Variants in GSE1 observed in about 807,000 individuals in gnomAD.
The protein encoded by GSE1 is genetic suppressor element 1.
GSE1 carries 32 observed loss-of-function variants against 112.6 expected under a neutral mutation model. The ratio of observed to expected loss-of-function variants is 0.28; its 90% CI spans 0.21 to 0.38. GSE1 has a LOEUF of 0.38. Among genes scored for constraint, GSE1 ranks in the 10% least tolerant of loss-of-function variants. GSE1 has a pLI of 1.00. For synonymous variants in GSE1, 1,115 were observed against 735.6 expected, an observed-to-expected ratio of 1.52 and a Z score of -8.35; for missense variants, 2,348 against 1,699.2, an observed-to-expected ratio of 1.38 and a Z score of -6.71.
chr16:85,331,705 A>ATT (rs2046375274), intron 1 of GSE1, among the ~76,000 whole-genome samples: 2 of 52,840 alleles, frequency 3.8e-5, no homozygotes, highest in African/African-American at 7.4e-5. Context: ...ATATATATAT[A>ATT]TATTTTTTTT....
intron 1 of GSE1, among the ~76,000 whole-genome samples, chr16:85,266,781 A>C (rs1030417703): frequency 6.6e-6 from 1 of 151,786 alleles, no homozygotes; most frequent in Non-Finnish European, 1.5e-5. Context: ...GCTCTAGTGG[A>C]CTCTTGCAGG....
chr16:85,242,624 A>G (rs1366687776), intron 1 of GSE1, among the ~76,000 whole-genome samples: 1 of 152,134 alleles, frequency 6.6e-6, no homozygotes, highest in East Asian at 1.9e-4. Flanking sequence ...CCCCTGCCCA[A>G]AGCAGGGAGG....
chr16:85,385,465 G>A (rs902851941), intron 2 of GSE1, among the ~76,000 whole-genome samples: 5 of 152,112 alleles, frequency 3.3e-5, no homozygotes, highest in Non-Finnish European at 4.4e-5. Context: ...GGACATACTT[G>A]CCTCCCACCA....
chr16:85,423,730 CTG>C (rs1215350770), intron 2 of GSE1, among the ~76,000 whole-genome samples: 2 of 147,946 alleles, frequency 1.4e-5, no homozygotes, highest in Admixed American at 6.8e-5. Flanking sequence ...ATCCCTCTCT[CTG>C]TCGCCGCATC....
chr16:85,611,835 C>G (rs2048003606), upstream of GSE1, among the ~76,000 whole-genome samples: 1 of 151,678 alleles, frequency 6.6e-6, no homozygotes, highest in Non-Finnish European at 1.5e-5. Flanking sequence ...AGCGCTCGCT[C>G]CCGTCGCAAT....
chr16:85,538,559 C>A (rs2044411848), intron 2 of GSE1, among the ~76,000 whole-genome samples: 1 of 152,176 alleles, frequency 6.6e-6, no homozygotes, highest in East Asian at 1.9e-4. Context: ...GGGAGCTTGA[C>A]AAGGGCCTGG....
At chr16:85,400,249 TTGTGTG>T (rs60393248) in intron 2 of GSE1, among the ~76,000 whole-genome samples, 54,652 of 149,538 alleles carry the variant, frequency 0.37, 10,173 homozygotes, top group East Asian at 0.59. Flanking sequence ...AAGTGTAGGG[TTGTGTG>T]TGTGTGTGTG....
At chr16:85,378,005 C>T (rs886561579) in intron 2 of GSE1, among the ~76,000 whole-genome samples, 15 of 152,230 alleles carry the variant, frequency 9.9e-5, no homozygotes, top group African/African-American at 3.4e-4. Context: ...CCGTCATCTG[C>T]ACCCCGGGCT....
At chr16:85,613,095 TCGGTGCGCGCGCGCGC>T (rs745943357), upstream of GSE1, 16 of 765,656 alleles carry the variant, frequency 2.1e-5, no homozygotes, top group Non-Finnish European at 2.7e-5. Context: ...CGGGCGCCCG[TCGGTGCGCGCGCGCGC>T]GCCTGTGTGT....
At chr16:85,178,404 G>A (rs1284447896) in intron 1 of GSE1, among the ~76,000 whole-genome samples, 1 of 152,082 alleles carries the variant, frequency 6.6e-6, no homozygotes, top group East Asian at 1.9e-4. Context: ...CAGCATTCCC[G>A]GCGGTGTTTG....
intron 2 of GSE1, among the ~76,000 whole-genome samples, chr16:85,388,376 G>GGGGGTAGA (rs2047750450): frequency 3.3e-5 from 2 of 60,762 alleles, no homozygotes; most frequent in Non-Finnish European, 3.2e-5. Context: ...GGGCGGGTGG[G>GGGGGTAGA]TGGATGGATG....
chr16:85,653,968 G>A (rs1332214991), intron 3 of GSE1, among the ~76,000 whole-genome samples: 1 of 152,136 alleles, frequency 6.6e-6, no homozygotes, highest in African/African-American at 2.4e-5. Context: ...CTGCCACCCT[G>A]CATCCTTCAC....
At chr16:85,616,168 T>A (rs902545649) in intron 1 of GSE1, among the ~76,000 whole-genome samples, 3 of 152,076 alleles carry the variant, frequency 2.0e-5, no homozygotes, top group Non-Finnish European at 4.4e-5. Context: ...AGCTAGAGAT[T>A]CCCCCCTTCC....
At chr16:85,218,441 C>T (rs1319108067) in intron 1 of GSE1, among the ~76,000 whole-genome samples, 2 of 152,206 alleles carry the variant, frequency 1.3e-5, no homozygotes, top group Non-Finnish European at 2.9e-5. Context: ...TCATTGAGTG[C>T]ATGTTTATGG....
chr16:85,669,451 A>G (rs1438906809), intron 14 of GSE1, among the ~76,000 whole-genome samples: 1 of 152,148 alleles, frequency 6.6e-6, no homozygotes, highest in African/African-American at 2.4e-5. Flanking sequence ...CTCCAAACTA[A>G]AAACAAACGC....
intron 1 of GSE1, among the ~76,000 whole-genome samples, chr16:85,284,479 C>G (rs1429797642): frequency 6.6e-6 from 1 of 152,228 alleles, no homozygotes; most frequent in Non-Finnish European, 1.5e-5. Context: ...CTCCAAGCGG[C>G]ACAAACTCCC....
intron 1 of GSE1, among the ~76,000 whole-genome samples, chr16:85,229,257 G>T (rs1177711473): frequency 6.6e-6 from 1 of 152,224 alleles, no homozygotes; most frequent in African/African-American, 2.4e-5. Context: ...TGAGGGGGTG[G>T]CCCTCCCTGC....
chr16:85,621,401 C>T (rs904636327), intron 1 of GSE1, among the ~76,000 whole-genome samples: 4 of 152,212 alleles, frequency 2.6e-5, no homozygotes, highest in African/African-American at 4.8e-5. Flanking sequence ...GTGGAGTGTG[C>T]GCTGAGATCG....
chr16:85,651,713 G>C (rs1006100249), intron 3 of GSE1, among the ~76,000 whole-genome samples: 1 of 152,214 alleles, frequency 6.6e-6, no homozygotes, highest in African/African-American at 2.4e-5. Context: ...CCAAGGCTGG[G>C]TGATGATTGA....
Sources: gnomAD v4.1 joint callset for allele counts (sites outside exome capture counted in the v4.1 genomes callset) on GRCh38, gnomAD v4.1.1 for gene constraint, MANE v1.5 for transcripts, NCBI Gene and HGNC (gene_info 2026-07-23, HGNC 2026-07-21) for gene names.